Variants in MPP1 observed in about 807,000 individuals in gnomAD.
MPP1 encodes the protein MAGUK p55 scaffold protein 1, also known as 55 kDa erythrocyte membrane protein.
A neutral mutation model predicts 38.2 loss-of-function variants in MPP1; 6 were observed. The ratio of observed to expected loss-of-function variants is 0.16; its 90% CI spans 0.09 to 0.31. The LOEUF (loss-of-function observed/expected upper bound fraction) is 0.31, where lower values mean the gene tolerates loss of function less well. Among genes scored for constraint, MPP1 ranks in the 10% least tolerant of loss-of-function variants. MPP1 has a pLI of 1.00. For synonymous variants in MPP1, 153 were observed against 146.3 expected, an observed-to-expected ratio of 1.05 and a Z score of -0.33; for missense variants, 293 against 368.9, an observed-to-expected ratio of 0.79 and a Z score of 1.69.
intron 1 of MPP1, among the ~76,000 whole-genome samples, chrX:154,798,934 G>A (rs1426000227): frequency 3.0e-4 from 33 of 110,550 alleles, no homozygotes; most frequent in Non-Finnish European, 1.9e-4. Flanking sequence ...GGGTTTCTCC[G>A]CATTGGCCAG....
intron 11 of MPP1, 93 bp from the exon 12 acceptor site, chrX:154,779,446 C>A: frequency 1.2e-6 from 1 of 825,156 alleles, no homozygotes. Flanking sequence ...GTTAGCGTTG[C>A]TCAGCTGTGC....
intron 9 of MPP1, 145 bp from the exon 10 acceptor site, chrX:154,781,947 G>A (rs2072012401): frequency 2.0e-6 from 1 of 493,310 alleles, no homozygotes; most frequent in African/African-American, 2.4e-5. Context: ...CTCCTGAAGA[G>A]CTGATGCTAG....
At chrX:154,787,135 CACACACACACA>C (rs782815987) in intron 5 of MPP1, among the ~76,000 whole-genome samples, 4,147 of 108,345 alleles carry the variant, frequency 0.038, 95 homozygotes, top group Non-Finnish European at 0.06. Context: ...CACACACACA[CACACACACACA>C]CCTACCTCAT....
intron 10 of MPP1, 75 bp from the exon 11 acceptor site, chrX:154,781,388 A>T: frequency 2.3e-6 from 2 of 885,403 alleles, no homozygotes; most frequent in South Asian, 4.4e-5. Flanking sequence ...AAACCTACAT[A>T]GCTGTCATAA....
intron 4 of MPP1, 50 bp from the exon 5 acceptor site, chrX:154,790,072 T>C: frequency 1.2e-6 from 1 of 867,635 alleles, no homozygotes; most frequent in Middle Eastern, 3.0e-4. Context: ...AGTTGAATGA[T>C]GTGATCATTC....
chrX:154,796,411 C>T (rs1377537370), intron 1 of MPP1, among the ~76,000 whole-genome samples: 2 of 111,838 alleles, frequency 1.8e-5, no homozygotes, highest in Non-Finnish European at 3.8e-5. Flanking sequence ...GGATTACAGG[C>T]ATGAGCCACC....
chrX:154,781,287 T>A lies in MPP1; in HGVS notation c.1176A>T (p.Glu392Asp). 8.3e-7 allele frequency: 1 copy of A among 1,206,749 alleles called. No individual in the cohort carries two copies. The highest frequency in any genetic ancestry group is 1.1e-6 in the Non-Finnish European group (1 of 893,919). Reference sequence around the variant, plus strand: ...CAATGAACACAATGAAAGGCGAAAGTTCTGCTGTCCGAACAATTTTCAGGG... The same window carrying A: ...CAATGAACACAATGAAAGGCGAAAGATCTGCTGTCCGAACAATTTTCAGGG... ...PQTLKIVRTAELSPFIVFIAP... is the reference protein window; with the variant it reads ...PQTLKIVRTADLSPFIVFIAP... The change falls in exon 11 of 12, where the codon GAA (glutamate) becomes GAT (aspartate). Residue 392 changes from glutamate (E) to aspartate (D), a missense_variant. Transcript: ENST00000369534.
chrX:154,804,202 C>T (rs2072294837), intron 1 of MPP1, among the ~76,000 whole-genome samples: 1 of 112,059 alleles, frequency 8.9e-6, no homozygotes, highest in South Asian at 3.7e-4. Flanking sequence ...AGCTCTACTG[C>T]TTGCCTTATG....
At position 154,779,232 on chromosome X, in the gene MPP1, G is replaced by A; in HGVS notation, c.1346C>T (p.Ala449Val). ...VDETLKKLQE[A>V]FDQACSSPQW... is the part of the protein sequence containing the mutation. ...TGGAGAACTGCACGCTTGGTCGAAG[G>A]CTTCTTGTAATTTCTTAAGGGTTTC... Residue 449 changes from alanine (A) to valine (V), a missense_variant, in exon 12 of 12, where the codon GCC (alanine) becomes GTC (valine). By Grantham distance (64) the Ala-to-Val change is moderately conservative. Transcript: ENST00000369534. 4.1e-6 allele frequency: 5 copies of A among 1,211,775 alleles called. No individual in the cohort carries two copies. Among genetic ancestry groups the A allele is most frequent in the Non-Finnish European group, 5.6e-6 (5 of 895,472 alleles).
intron 1 of MPP1, among the ~76,000 whole-genome samples, chrX:154,800,744 C>T (rs1360681341): frequency 1.8e-5 from 2 of 112,371 alleles, no homozygotes; most frequent in Non-Finnish European, 3.8e-5. Flanking sequence ...AAACTATAAG[C>T]ATGGACTTTG....
chrX:154,781,882 G>C (rs1490191034), intron 9 of MPP1, 80 bp from the exon 10 acceptor site: 1 of 992,793 alleles, frequency 1.0e-6, no homozygotes, highest in Non-Finnish European at 1.4e-6. Flanking sequence ...TGTCTGTATG[G>C]AAACCCTAGC....
chrX:154,779,771 T>G (rs184611772), intron 11 of MPP1, among the ~76,000 whole-genome samples: 1 of 112,895 alleles, frequency 8.9e-6, no homozygotes, highest in African/African-American at 3.2e-5. Flanking sequence ...CAGGCTGGAG[T>G]GCAGTGGCAC....
At chrX:154,799,660 C>A in intron 1 of MPP1, 1 of 1,048,301 alleles carries the variant, frequency 9.5e-7, no homozygotes. Context: ...CAGGCCTGCC[C>A]CTGACCAGTG....
chrX:154,781,480 G>C, intron 10 of MPP1, 120 bp downstream of exon 10: 1 of 866,929 alleles, frequency 1.2e-6, no homozygotes, highest in Non-Finnish European at 1.7e-6. Context: ...CTTGTTCCAG[G>C]CTGACCCCAT....
chrX:154,801,780 A>AAAAC (rs2072267556), intron 1 of MPP1, among the ~76,000 whole-genome samples: 6 of 88,704 alleles, frequency 6.8e-5, no homozygotes, highest in Non-Finnish European at 6.4e-5. Flanking sequence ...AAAAAAAAAA[A>AAAAC]AAAAAACAAA....
At chrX:154,787,141 CACACA>C (rs1569558869) in intron 5 of MPP1, among the ~76,000 whole-genome samples, 151 of 83,702 alleles carry the variant, frequency 1.8e-3, no homozygotes, top group African/African-American at 6.1e-3. Flanking sequence ...CACACACACA[CACACA>C]CCTACCTCAT....
Position 154,781,380 on chromosome X carries a change from A to C in MPP1, c.1150-67T>G, listed in dbSNP as rs1198517471. On this transcript the variant is annotated intron_variant, in intron 10 of 11. Coordinates refer to ENST00000369534, the MANE Select transcript of MPP1 (RefSeq NM_002436.4). ...AAGAAAAGGAAAGTGAAAAAAAAAA[A>C]CCTACATAGCTGTCATAATGGATTC... 16 of 907,381 alleles carry C rather than the reference A, an allele frequency of 1.8e-5. No individual in the cohort carries two copies. In the South Asian group the frequency reaches 3.0e-4, roughly 17 times the overall value. The allele number at this position is 907,381 out of a possible 1,213,427, so 74.8% of individuals were successfully genotyped here.
At chrX:154,796,199 C>T (rs1442532259) in intron 1 of MPP1, among the ~76,000 whole-genome samples, 6 of 109,038 alleles carry the variant, frequency 5.5e-5, no homozygotes, top group African/African-American at 2.0e-4. Context: ...GGCGTGATCT[C>T]GGCTCACTGC....
chrX:154,781,549 ATCCCTTGTGTGGCTGAGCCCATCTG>A (rs1557266638), intron 10 of MPP1, 26 bp downstream of exon 10: 14 of 1,160,434 alleles, frequency 1.2e-5, no homozygotes, highest in Non-Finnish European at 1.6e-5. Context: ...TGTCTTCGCC[ATCCCTTGTGTGGCTGAGCCCATCTG>A]TCCCTGCCCT....
Sources: gnomAD v4.1 joint callset for allele counts (sites outside exome capture counted in the v4.1 genomes callset) on GRCh38, gnomAD v4.1.1 for gene constraint, MANE v1.5 for transcripts, NCBI Gene and HGNC (gene_info 2026-07-23, HGNC 2026-07-21) for gene names.